Variants in PPP1R12B observed in about 807,000 individuals in gnomAD.
The protein encoded by PPP1R12B is myosin phosphatase target subunit 2.
Under a neutral mutation model 126.1 loss-of-function variants are expected in PPP1R12B, and 76 were observed. The observed-to-expected ratio is 0.60, with a 90% CI of 0.50 to 0.73. The LOEUF is 0.73. Ranked by LOEUF, PPP1R12B falls within the 30% of genes least tolerant of loss-of-function variation. The pLI, the probability that PPP1R12B is intolerant of heterozygous loss-of-function variation, is 0.00. For missense variants in PPP1R12B, 1,052 were observed against 1,205.1 expected (o/e 0.87, Z 1.88); for synonymous variants, 356 against 434.7 (o/e 0.82, Z 2.25).
At chr1:202,367,772 A>G (rs1379376196) in intron 1 of PPP1R12B, among the ~76,000 whole-genome samples, 1 of 152,080 alleles carries the variant, frequency 6.6e-6, no homozygotes, top group Non-Finnish European at 1.5e-5. Flanking sequence ...CTACAGTTTG[A>G]TGGGTTTTGA....
intron 23 of PPP1R12B, among the ~76,000 whole-genome samples, chr1:202,572,597 T>C (rs902000419): frequency 6.6e-6 from 1 of 152,186 alleles, no homozygotes; most frequent in African/African-American, 2.4e-5. Context: ...CAGGTGTGCA[T>C]GTCAGTGTGA....
intron 14 of PPP1R12B, among the ~76,000 whole-genome samples, chr1:202,489,627 T>A (rs1482091857): frequency 6.6e-6 from 1 of 152,206 alleles, no homozygotes; most frequent in Non-Finnish European, 1.5e-5. Context: ...TATTATATGA[T>A]TCCATTTATA....
intron 1 of PPP1R12B, among the ~76,000 whole-genome samples, chr1:202,364,729 A>G (rs1183506322): frequency 4.6e-5 from 7 of 152,196 alleles, no homozygotes; most frequent in Middle Eastern, 3.4e-3. Flanking sequence ...GGCGCCCGCC[A>G]CCATGCTCGG....
At position 202,348,803 on chromosome 1, in the gene PPP1R12B, C is replaced by A. The variant is rs902771432; in HGVS notation, c.-49C>A. 1.3e-6 allele frequency: 2 copies of A among 1,562,328 alleles called. No individual in the cohort carries two copies. The highest frequency in any genetic ancestry group is 8.6e-7 in the Non-Finnish European group (1 of 1,158,648). ...GCGGCAGCGGCAACTCGAGCCCCAACAGTAATTTAGTGTTGGTAGTTTTGG... is the reference window on the plus strand; with the variant it reads ...GCGGCAGCGGCAACTCGAGCCCCAAAAGTAATTTAGTGTTGGTAGTTTTGG... On this transcript the variant is annotated 5_prime_UTR_variant, in exon 1 of 24. Transcript: ENST00000608999.
intron 18 of PPP1R12B, among the ~76,000 whole-genome samples, chr1:202,539,283 T>G (rs548464593): frequency 1.3e-5 from 2 of 152,294 alleles, no homozygotes; most frequent in South Asian, 4.1e-4. Context: ...CCTCCCTTTA[T>G]TCCTAGAAGC....
rs146645856 is a variant in PPP1R12B, at chr1:202,409,086, G to T, written c.292-7701G>T. ...ACTCCTGAGCTCAGGCAGTTCACTC[G>T]CCTCAGCCTACCAAAGTGCTAGAAT... On this transcript the variant is annotated intron_variant, in intron 1 of 23. Coordinates refer to ENST00000608999, the MANE Select transcript of PPP1R12B (RefSeq NM_002481.4). 2.7e-3 allele frequency among the ~76,000 whole-genome samples: 406 copies of T among 151,680 alleles called. 2 individuals carry two copies. Among genetic ancestry groups the T allele is most frequent in the African/African-American group, 9.4e-3 (388 of 41,392 alleles).
At position 202,583,159 on chromosome 1, in the gene PPP1R12B, G is replaced by T. The variant is rs558212910; in HGVS notation, c.*2599G>T. On this transcript the variant is annotated 3_prime_UTR_variant, in exon 24 of 24. Coordinates refer to ENST00000608999, the MANE Select transcript of PPP1R12B (RefSeq NM_002481.4). ...AGGTGTTGACTAATTGATTATCCTG[G>T]AACATTTTGAATATTGGGGAAGGAA... 1 of 152,072 alleles carries T rather than the reference G, an allele frequency of 6.6e-6. No individual in the cohort carries two copies. The highest frequency in any genetic ancestry group is 1.5e-5 in the Non-Finnish European group (1 of 68,008). 9.4% of individuals were successfully genotyped at this position (152,072 alleles called of 1,614,324 possible). A position where few individuals can be genotyped will look rare whatever the true frequency, so the allele number is the denominator to read the frequency against.
At chr1:202,553,610 T>C (rs1248002217) in intron 18 of PPP1R12B, among the ~76,000 whole-genome samples, 1 of 151,912 alleles carries the variant, frequency 6.6e-6, no homozygotes, top group African/African-American at 2.4e-5. Context: ...AGAGAGGGAG[T>C]GTACAGAGGA....
At chr1:202,358,421 G>A (rs1571556459) in intron 1 of PPP1R12B, among the ~76,000 whole-genome samples, 1 of 152,126 alleles carries the variant, frequency 6.6e-6, no homozygotes, top group Admixed American at 6.6e-5. Flanking sequence ...GGTGGCTCAC[G>A]CCTGTAATCC....
intron 13 of PPP1R12B, among the ~76,000 whole-genome samples, chr1:202,488,271 A>C (rs913430586): frequency 1.3e-5 from 2 of 152,234 alleles, no homozygotes; most frequent in African/African-American, 4.8e-5. Context: ...TATTGATGGA[A>C]GTTTTCATTT....
intron 1 of PPP1R12B, among the ~76,000 whole-genome samples, chr1:202,365,045 C>T (rs763980827): frequency 2.0e-5 from 3 of 152,238 alleles, no homozygotes; most frequent in African/African-American, 7.2e-5. Context: ...ACAATTAGTA[C>T]AAATACCACC....
intron 1 of PPP1R12B, among the ~76,000 whole-genome samples, chr1:202,396,352 T>C (rs575494091): frequency 6.6e-6 from 1 of 152,298 alleles, no homozygotes; most frequent in African/African-American, 2.4e-5. Context: ...ATGATGATGA[T>C]AATAATAGTA....
intron 12 of PPP1R12B, chr1:202,444,981 G>T (rs2148705218): frequency 1.7e-6 from 2 of 1,206,114 alleles, no homozygotes; most frequent in Non-Finnish European, 2.1e-6. Context: ...GGGTGGGAAG[G>T]TGGTGCTGGG....
chr1:202,401,869 C>T (rs11583656), intron 1 of PPP1R12B, among the ~76,000 whole-genome samples: 19,191 of 152,130 alleles, frequency 0.13, 1,342 homozygotes, highest in Middle Eastern at 0.18. Context: ...CTTGAGGACA[C>T]TCTATAAATG....
At chr1:202,515,550 A>G (rs1682040527) in intron 18 of PPP1R12B, among the ~76,000 whole-genome samples, 1 of 151,960 alleles carries the variant, frequency 6.6e-6, no homozygotes, top group African/African-American at 2.4e-5. Context: ...TAGTGTCCAT[A>G]TATCTTTTTT....
At chr1:202,557,516 A>G (rs1687076961) in intron 18 of PPP1R12B, among the ~76,000 whole-genome samples, 1 of 152,154 alleles carries the variant, frequency 6.6e-6, no homozygotes, top group South Asian at 2.1e-4. Context: ...ATGTATGAGA[A>G]TATACCATAT....
Position 202,502,243 on chromosome 1 carries a change from A to G in PPP1R12B, c.2490+5421A>G, listed in dbSNP as rs926791280. 8 of 984,368 alleles carry G rather than the reference A, an allele frequency of 8.1e-6. No homozygotes were observed. The African/African-American group carries it at 1.4e-4, about 17-fold the overall frequency. 61.0% of individuals were successfully genotyped at this position (984,368 alleles called of 1,614,324 possible). A position where few individuals can be genotyped will look rare whatever the true frequency, so the allele number is the denominator to read the frequency against. ...TAGTGTTAAAGAGTTACTAAATTAT[A>G]GATATCAAGGTACCTGCCTTAGATA... is the stretch of plus-strand genomic sequence containing the variant. On this transcript the variant is annotated intron_variant, in intron 18 of 23. Transcript: ENST00000608999.
In PPP1R12B at chr1:202,349,156, T is replaced by C. The variant is rs1185600222; in HGVS notation, c.291+14T>C. On this transcript the variant is annotated intron_variant, in intron 1 of 23. Coordinates refer to ENST00000608999, the MANE Select transcript of PPP1R12B (RefSeq NM_002481.4). Reference sequence around the variant, plus strand: ...GCCCTGCACCAGGTAACTCCTTTCTTGGTCTTAGAGGCGTCCAGTCTCCTA... The same window carrying C: ...GCCCTGCACCAGGTAACTCCTTTCTCGGTCTTAGAGGCGTCCAGTCTCCTA... 1 of 1,613,262 alleles carries C rather than the reference T, an allele frequency of 6.2e-7. No homozygotes were observed. Among genetic ancestry groups the C allele is most frequent in the Non-Finnish European group, 8.5e-7 (1 of 1,179,918 alleles).
intron 23 of PPP1R12B, among the ~76,000 whole-genome samples, chr1:202,577,815 T>C (rs940344639): frequency 6.6e-6 from 1 of 152,198 alleles, no homozygotes; most frequent in Non-Finnish European, 1.5e-5. Context: ...CTGTAAGAAG[T>C]AACAGTTGAG....
Sources: allele counts gnomAD v4.1 joint callset (sites outside exome capture counted in the v4.1 genomes callset), GRCh38; gene constraint gnomAD v4.1.1; transcripts MANE v1.5; gene names NCBI Gene and HGNC (gene_info 2026-07-23, HGNC 2026-07-21).